ZEB1: variants seen among roughly 807,000 people sequenced by gnomAD.
The protein encoded by ZEB1 is zinc finger E-box binding homeobox 1.
Under a neutral mutation model 84.9 loss-of-function variants are expected in ZEB1, and 21 were observed. The ratio of observed to expected loss-of-function variants is 0.25; its 90% CI spans 0.18 to 0.36. The LOEUF is 0.36. Among genes scored for constraint, ZEB1 ranks in the 10% least tolerant of loss-of-function variants. The pLI, the probability that ZEB1 is intolerant of heterozygous loss-of-function variation, is 1.00. For synonymous variants in ZEB1, 420 were observed against 471.1 expected (o/e 0.89, Z 1.41); for missense variants, 1,104 against 1,330.2 (o/e 0.83, Z 2.65).
At chr10:31,457,353 A>G (rs999340064) in intron 1 of ZEB1, among the ~76,000 whole-genome samples, 3 of 152,182 alleles carry the variant, frequency 2.0e-5, no homozygotes, top group African/African-American at 7.2e-5. Flanking sequence ...AGATTCAGAA[A>G]TACAAGTAAG....
intron 1 of ZEB1, among the ~76,000 whole-genome samples, chr10:31,419,120 G>A (rs2055710488): frequency 6.6e-6 from 1 of 152,084 alleles, no homozygotes; most frequent in Non-Finnish European, 1.5e-5. Flanking sequence ...AAGTAATCCT[G>A]TAACTATAAG....
At chr10:31,423,991 G>C (rs2056580629) in intron 1 of ZEB1, among the ~76,000 whole-genome samples, 1 of 151,864 alleles carries the variant, frequency 6.6e-6, no homozygotes, top group African/African-American at 2.4e-5. Context: ...TTCATACAAA[G>C]CCAAATATTT....
intron 1 of ZEB1, among the ~76,000 whole-genome samples, chr10:31,386,515 T>G (rs1357230155): frequency 6.6e-6 from 1 of 152,072 alleles, no homozygotes; most frequent in Non-Finnish European, 1.5e-5. Flanking sequence ...TTAAAATGCT[T>G]TCTATGTACC....
At chr10:31,474,449 C>T (rs1217576536) in intron 2 of ZEB1, among the ~76,000 whole-genome samples, 2 of 152,106 alleles carry the variant, frequency 1.3e-5, no homozygotes, top group Non-Finnish European at 2.9e-5. Context: ...AGCCAAAAAA[C>T]ACATGAAAAA....
intron 2 of ZEB1, among the ~76,000 whole-genome samples, chr10:31,472,493 C>A (rs1216091703): frequency 6.6e-6 from 1 of 151,490 alleles, no homozygotes; most frequent in African/African-American, 2.4e-5. Flanking sequence ...ATACACTCTC[C>A]CAAGACTAAA....
Position 31,392,959 on chromosome 10 carries a change from T to G in ZEB1, c.59-68078T>G, listed in dbSNP as rs1419111513. On this transcript the variant is annotated intron_variant, in intron 1 of 8. Coordinates refer to ENST00000424869, the MANE Select transcript of ZEB1 (RefSeq NM_001174096.2). Reference sequence around the variant, plus strand: ...AAGCCATCCTCCTGTTTCAGCCTCCTGAGTAGCTGGAACCACAGGTGTGCA... The same window carrying G: ...AAGCCATCCTCCTGTTTCAGCCTCCGGAGTAGCTGGAACCACAGGTGTGCA... Among the ~76,000 whole-genome samples, 4 of 152,206 alleles carry G rather than the reference T, an allele frequency of 2.6e-5. 1 individual carries two copies. The highest frequency in any genetic ancestry group is 2.0e-4 in the Admixed American group (3 of 15,282).
intron 1 of ZEB1, among the ~76,000 whole-genome samples, chr10:31,407,777 A>T (rs1156574692): frequency 6.6e-6 from 1 of 151,474 alleles, no homozygotes; most frequent in Non-Finnish European, 1.5e-5. Context: ...ACAAACCCAC[A>T]GCCAATATCA....
At chr10:31,325,981 T>C (rs1273492825) in intron 1 of ZEB1, among the ~76,000 whole-genome samples, 3 of 151,204 alleles carry the variant, frequency 2.0e-5, no homozygotes, top group Non-Finnish European at 4.4e-5. Context: ...TTTTTTTTTT[T>C]TTTAAGTAGA....
At chr10:31,339,366 A>G (rs914219275) in intron 1 of ZEB1, among the ~76,000 whole-genome samples, 7 of 152,170 alleles carry the variant, frequency 4.6e-5, no homozygotes, top group Admixed American at 3.3e-4. Flanking sequence ...GAATCTTCTG[A>G]GAGAGAGTAT....
intron 1 of ZEB1, among the ~76,000 whole-genome samples, chr10:31,393,303 T>C (rs772171521): frequency 5.7e-4 from 87 of 152,204 alleles, no homozygotes; most frequent in Non-Finnish European, 1.0e-3. Context: ...CACTCATGCT[T>C]TTCTGCTATT....
intron 2 of ZEB1, among the ~76,000 whole-genome samples, chr10:31,492,692 A>G (rs1451722843): frequency 6.6e-6 from 1 of 151,916 alleles, no homozygotes; most frequent in Non-Finnish European, 1.5e-5. Flanking sequence ...CATGGGTGTG[A>G]ATTTCAAAAA....
intron 1 of ZEB1, among the ~76,000 whole-genome samples, chr10:31,455,556 A>G (rs2061108913): frequency 6.7e-6 from 1 of 150,068 alleles, no homozygotes; most frequent in East Asian, 1.9e-4. Flanking sequence ...GAACTTCAAC[A>G]AATTTACAAG....
chr10:31,372,430 C>T (rs1378716394), intron 1 of ZEB1, among the ~76,000 whole-genome samples: 1 of 151,802 alleles, frequency 6.6e-6, no homozygotes, highest in Non-Finnish European at 1.5e-5. Flanking sequence ...ATGACAGGCC[C>T]TATGAAGAGT....
rs2041093713 is a variant in ZEB1, at chr10:31,350,289, G to A, written c.58+30997G>A. 2.0e-5 allele frequency among the ~76,000 whole-genome samples: 3 copies of A among 152,072 alleles called. No homozygotes were observed. The South Asian group carries it at 6.2e-4, about 32-fold the overall frequency. ...AGTAAATTATTTTATGATGAGAAAG[G>A]TGGCAAAAATTCTGCATTATCTTTG... On this transcript the variant is annotated intron_variant, in intron 1 of 8. Coordinates refer to ENST00000424869, the MANE Select transcript of ZEB1 (RefSeq NM_001174096.2).
In ZEB1 at chr10:31,411,545, T is replaced by C. The variant is rs1366325140; in HGVS notation, c.59-49492T>C. Among the ~76,000 whole-genome samples the C allele has an allele frequency of 2.1e-5, 3 of 144,632 alleles. No homozygotes were observed. The East Asian group carries it at 6.5e-4, about 31-fold the overall frequency. The allele number at this position is 144,632 out of a possible 152,430, so 94.9% of individuals were successfully genotyped here. On this transcript the variant is annotated intron_variant, in intron 1 of 8. Coordinates refer to ENST00000424869, the MANE Select transcript of ZEB1 (RefSeq NM_001174096.2). ...TACTCGGGAGGCTGATGCAGGAGAA[T>C]GGCGTGAACCTGGGAAGCGGAGCTT...
At chr10:31,492,080 A>G (rs925859273) in intron 2 of ZEB1, among the ~76,000 whole-genome samples, 3 of 151,900 alleles carry the variant, frequency 2.0e-5, no homozygotes, top group African/African-American at 4.8e-5. Flanking sequence ...AGAATGAGAG[A>G]GATGTGAATT....
intron 1 of ZEB1, among the ~76,000 whole-genome samples, chr10:31,431,824 T>C (rs2057746336): frequency 6.6e-6 from 1 of 152,226 alleles, no homozygotes. Context: ...AAGACCTACG[T>C]AGTATAACTA....
intron 1 of ZEB1, among the ~76,000 whole-genome samples, chr10:31,420,089 A>G (rs2136013125): frequency 6.6e-6 from 1 of 152,228 alleles, no homozygotes; most frequent in South Asian, 2.1e-4. Flanking sequence ...TTTGCTGAAA[A>G]TACAGCCACT....
chr10:31,479,326 G>A (rs2064729076), intron 2 of ZEB1, among the ~76,000 whole-genome samples: 1 of 151,882 alleles, frequency 6.6e-6, no homozygotes, highest in Non-Finnish European at 1.5e-5. Flanking sequence ...TTAATGACAA[G>A]TGGTCAACTT....
Sources: gnomAD v4.1 joint callset for allele counts (sites outside exome capture counted in the v4.1 genomes callset) on GRCh38, gnomAD v4.1.1 for gene constraint, MANE v1.5 for transcripts, NCBI Gene and HGNC (gene_info 2026-07-23, HGNC 2026-07-21) for gene names.